The following GAN variants were observed in gnomAD, a reference collection of about 807,000 sequenced individuals.
GAN encodes the protein epididymis secretory sperm binding protein.
In GAN, 48 loss-of-function variants were observed where a neutral mutation model predicts 71.3. The ratio of observed to expected loss-of-function variants is 0.67; its 90% CI spans 0.53 to 0.86. The LOEUF (loss-of-function observed/expected upper bound fraction) is 0.86, where lower values mean the gene tolerates loss of function less well. GAN is among the 40% of genes least tolerant of loss of function. The probability of loss-of-function intolerance (pLI) is 0.00; values close to 1 mark genes in which losing one functional copy is unlikely to be tolerated. For missense variants in GAN, 928 were observed against 770.1 expected (o/e 1.21, Z -2.43); for synonymous variants, 386 against 276.8 (o/e 1.39, Z -3.92).
intron 9 of GAN, among the ~76,000 whole-genome samples, chr16:81,367,303 A>G (rs912912997): frequency 6.6e-6 from 1 of 152,116 alleles, no homozygotes; most frequent in Non-Finnish European, 1.5e-5. Flanking sequence ...CGGGCAGATC[A>G]CTTGAGGCCA....
Position 81,363,948 on chromosome 16 carries a change from G to C in GAN, c.1236+5G>C. ...GATTTGACCATGGTCAGAAAGGTGA[G>C]GACTGCATTTTGTGATAACTAGTCT... On this transcript the variant is annotated splice_donor_5th_base_variant and intron_variant, in intron 7 of 10. Coordinates refer to ENST00000648994, the MANE Select transcript of GAN (RefSeq NM_022041.4). 1.2e-6 allele frequency: 2 copies of C among 1,610,464 alleles called. No individual in the cohort carries two copies. The highest frequency in any genetic ancestry group is 1.7e-6 in the Non-Finnish European group (2 of 1,176,702).
In GAN at chr16:81,383,610, G is replaced by A. The variant is rs971216264; in HGVS notation, c.*6014G>A. ...ATTCTTTTAAAGTCACTACTCAGCTGAAATTTGGCCTGATTATAAATGTTG... is the reference window on the plus strand; with the variant it reads ...ATTCTTTTAAAGTCACTACTCAGCTAAAATTTGGCCTGATTATAAATGTTG... On this transcript the variant is annotated 3_prime_UTR_variant, in exon 11 of 11. Transcript: ENST00000648994. The A allele has an allele frequency of 6.6e-6, 1 of 151,380 alleles. No individual in the cohort carries two copies. The highest frequency in any genetic ancestry group is 2.4e-5 in the African/African-American group (1 of 41,132). The allele number at this position is 151,380 out of a possible 1,614,324, so 9.4% of individuals were successfully genotyped here.
At position 81,381,774 on chromosome 16, in the gene GAN, G is replaced by C. The variant is rs765364971; in HGVS notation, c.*4178G>C. 6.6e-6 allele frequency: 1 copy of C among 152,210 alleles called. No individual in the cohort carries two copies. The highest frequency in any genetic ancestry group is 6.5e-5 in the Admixed American group (1 of 15,282). The allele number at this position is 152,210 out of a possible 1,614,324, so 9.4% of individuals were successfully genotyped here. A position where few individuals can be genotyped will look rare whatever the true frequency, so the allele number is the denominator to read the frequency against. ...TAAATATAAGATTCTTGTGATCAAA[G>C]TAATGTTCTTCTGTTGAAAAGGGCA... On this transcript the variant is annotated 3_prime_UTR_variant, in exon 11 of 11. Coordinates refer to ENST00000648994, the MANE Select transcript of GAN (RefSeq NM_022041.4).
chr16:81,351,976 G>A (rs1037079116), intron 2 of GAN, among the ~76,000 whole-genome samples: 3 of 152,148 alleles, frequency 2.0e-5, no homozygotes, highest in Non-Finnish European at 4.4e-5. Flanking sequence ...TAAAGAACAT[G>A]GGATGCTGCC....
At position 81,368,916 on chromosome 16, in the gene GAN, A is replaced by G. The variant is rs117186019; in HGVS notation, c.1502+3438A>G. Among the ~76,000 whole-genome samples the G allele has an allele frequency of 2.7e-3, 410 of 152,300 alleles. 1 individual carries two copies. The highest frequency in any genetic ancestry group is 0.01 in the Middle Eastern group (3 of 294). On this transcript the variant is annotated intron_variant, in intron 9 of 10. Transcript: ENST00000648994. ...AATTCTTGACTGTTTCCCACTGCTT[A>G]CTAAACAAAGGTAATAGTTCTTAGC...
chr16:81,367,792 A>G (rs760400577), intron 9 of GAN, among the ~76,000 whole-genome samples: 3 of 152,214 alleles, frequency 2.0e-5, no homozygotes, highest in Non-Finnish European at 4.4e-5. Flanking sequence ...GTGCCCACAG[A>G]CACACAAGGA....
chr16:81,339,510 A>G (rs933384216), intron 1 of GAN, among the ~76,000 whole-genome samples: 7 of 152,190 alleles, frequency 4.6e-5, no homozygotes, highest in African/African-American at 1.7e-4. Flanking sequence ...CACTTTGTAA[A>G]CTGCTGGGCT....
chr16:81,316,284 G>T (rs925386588), intron 1 of GAN, among the ~76,000 whole-genome samples: 1 of 152,130 alleles, frequency 6.6e-6, no homozygotes, highest in African/African-American at 2.4e-5. Context: ...CACTACAATT[G>T]ACAGGTCAGA....
Position 81,382,623 on chromosome 16 carries a change from T to G in GAN, c.*5027T>G, listed in dbSNP as rs1050853081. ...TTCTTGAAATACTCTTTACTCTGTC[T>G]GTAGTTTTGAGAAATTACAGAAATT... On this transcript the variant is annotated 3_prime_UTR_variant, in exon 11 of 11. Coordinates refer to ENST00000648994, the MANE Select transcript of GAN (RefSeq NM_022041.4). 6.6e-6 allele frequency: 1 copy of G among 152,178 alleles called. No individual in the cohort carries two copies. The highest frequency in any genetic ancestry group is 2.4e-5 in the African/African-American group (1 of 41,410). 9.4% of individuals were successfully genotyped at this position (152,178 alleles called of 1,614,324 possible). A position where few individuals can be genotyped will look rare whatever the true frequency, so the allele number is the denominator to read the frequency against.
Position 81,362,622 on chromosome 16 carries a change from A to C in GAN, c.1086+11A>C, listed in dbSNP as rs1910714192. 1.5e-6 allele frequency: 2 copies of C among 1,299,604 alleles called. No individual in the cohort carries two copies. The highest frequency in any genetic ancestry group is 2.3e-5 in the East Asian group (1 of 43,532). 80.5% of individuals were successfully genotyped at this position (1,299,604 alleles called of 1,614,324 possible). Reference sequence around the variant, plus strand: ...CCACCTATGAACGAGGTAAAACACTAGTTGGTTGGTTTGTTTGATGTGTTT... The same window carrying C: ...CCACCTATGAACGAGGTAAAACACTCGTTGGTTGGTTTGTTTGATGTGTTT... On this transcript the variant is annotated intron_variant, in intron 6 of 10. Transcript: ENST00000648994.
At chr16:81,376,666 G>A (rs950951990) in intron 9 of GAN, among the ~76,000 whole-genome samples, 80 of 149,284 alleles carry the variant, frequency 5.4e-4, no homozygotes, top group African/African-American at 2.0e-3. Context: ...ATATATGTGT[G>A]TATATACATA....
chr16:81,372,498 A>G (rs565678637), intron 9 of GAN, among the ~76,000 whole-genome samples: 35 of 152,348 alleles, frequency 2.3e-4, no homozygotes, highest in Admixed American at 1.9e-3. Context: ...TTTTATAAGC[A>G]GCAACACCTG....
intron 9 of GAN, among the ~76,000 whole-genome samples, chr16:81,370,629 C>G (rs1199738903): frequency 1.3e-5 from 2 of 152,200 alleles, no homozygotes; most frequent in Non-Finnish European, 1.5e-5. Context: ...GAGTGTGCAC[C>G]CCTGGTCTCC....
At chr16:81,376,133 A>G (rs1027636664) in intron 9 of GAN, among the ~76,000 whole-genome samples, 3 of 152,158 alleles carry the variant, frequency 2.0e-5, no homozygotes, top group Non-Finnish European at 4.4e-5. Flanking sequence ...ATTCTCATGC[A>G]TTGCTAATTG....
intron 1 of GAN, among the ~76,000 whole-genome samples, chr16:81,337,350 C>T (rs528217339): frequency 3.7e-4 from 57 of 152,292 alleles, no homozygotes; most frequent in African/African-American, 1.3e-3. Context: ...ATCTCGACTT[C>T]GTGAACATTA....
chr16:81,342,229 CAG>C (rs1457112413), intron 1 of GAN, among the ~76,000 whole-genome samples: 2 of 152,180 alleles, frequency 1.3e-5, no homozygotes, highest in African/African-American at 4.8e-5. Context: ...ATGAATGAGA[CAG>C]AAAATTAATA....
intron 1 of GAN, among the ~76,000 whole-genome samples, chr16:81,325,842 C>T (rs1909367223): frequency 6.6e-6 from 1 of 152,246 alleles, no homozygotes; most frequent in South Asian, 2.1e-4. Context: ...GCTGTTTAAA[C>T]ACCTTAATTA....
At chr16:81,335,392 A>G (rs1909721479) in intron 1 of GAN, among the ~76,000 whole-genome samples, 1 of 152,098 alleles carries the variant, frequency 6.6e-6, no homozygotes, top group South Asian at 2.1e-4. Flanking sequence ...CGAGGCGGGC[A>G]TATCACTTGA....
Position 81,365,425 on chromosome 16 carries a change from G to C in GAN, c.1449G>C (p.Gln483His). The C allele has an allele frequency of 6.2e-7, 1 of 1,613,734 alleles. No individual in the cohort carries two copies. Among genetic ancestry groups the C allele is most frequent in the African/African-American group, 1.3e-5 (1 of 74,886 alleles). Residue 483 changes from glutamine to histidine, a missense_variant, in exon 9 of 11, where the codon CAG (glutamine) becomes CAC (histidine). Transcript: ENST00000648994. ...FGGVRSREDA[Q>H]GSEMVTCKSE... ...GAGTCCGAAGTCGTGAGGACGCCCA[G>C]GGTAGCGAGATGGTAACTTGCAAGT...
Sources: gnomAD v4.1 joint callset for allele counts (sites outside exome capture counted in the v4.1 genomes callset) on GRCh38, gnomAD v4.1.1 for gene constraint, MANE v1.5 for transcripts, NCBI Gene and HGNC (gene_info 2026-07-23, HGNC 2026-07-21) for gene names.